KANK1: variants seen among roughly 807,000 people sequenced by gnomAD.
KANK1 encodes the protein KN motif and ankyrin repeat domain-containing protein 1.
In KANK1, 109 loss-of-function variants were observed where a neutral mutation model predicts 106.2. That is an observed-to-expected ratio of 1.03 (90% confidence interval 0.88 to 1.20). The LOEUF is 1.20. Ranked by LOEUF, KANK1 falls within the 50% of genes most tolerant of loss-of-function variation. The pLI, the probability that KANK1 is intolerant of heterozygous loss-of-function variation, is 0.00. For missense variants in KANK1, 2,399 were observed against 1,710.7 expected, an observed-to-expected ratio of 1.40 and a Z score of -7.10; for synonymous variants, 873 against 652.2, an observed-to-expected ratio of 1.34 and a Z score of -5.16.
intron 1 of KANK1, among the ~76,000 whole-genome samples, chr9:572,975 A>G (rs1819596565): frequency 6.6e-6 from 1 of 152,208 alleles, no homozygotes; most frequent in Non-Finnish European, 1.5e-5. Flanking sequence ...AATACAATAA[A>G]GTTGAGGTTT....
chr9:546,281 T>C (rs1427764012), intron 1 of KANK1, among the ~76,000 whole-genome samples: 1 of 152,006 alleles, frequency 6.6e-6, no homozygotes, highest in Admixed American at 6.6e-5. Context: ...CCGAAGAAAT[T>C]TATGATTGTT....
chr9:679,572 G>A (rs1588856062), intron 2 of KANK1, among the ~76,000 whole-genome samples: 1 of 151,990 alleles, frequency 6.6e-6, no homozygotes, highest in Admixed American at 6.5e-5. Flanking sequence ...ATGCCATCAC[G>A]CCTGGCCAAT....
intron 1 of KANK1, among the ~76,000 whole-genome samples, chr9:580,698 G>A (rs543382203): frequency 2.6e-5 from 4 of 152,384 alleles, no homozygotes; most frequent in African/African-American, 7.2e-5. Flanking sequence ...CAGGAGTCCA[G>A]CTGGCTTCAC....
chr9:612,453 A>G (rs986174094), intron 1 of KANK1, among the ~76,000 whole-genome samples: 1 of 151,994 alleles, frequency 6.6e-6, no homozygotes, highest in Non-Finnish European at 1.5e-5. Context: ...GGTATCCCAC[A>G]TTATCGGTGT....
chr9:586,237 G>T (rs1380371275), intron 1 of KANK1, among the ~76,000 whole-genome samples: 1 of 152,224 alleles, frequency 6.6e-6, no homozygotes, highest in African/African-American at 2.4e-5. Context: ...TGACTTCAAA[G>T]CACAGTGAGG....
chr9:536,053 A>G (rs971188019), intron 1 of KANK1, among the ~76,000 whole-genome samples: 5 of 152,132 alleles, frequency 3.3e-5, no homozygotes, highest in African/African-American at 1.2e-4. Flanking sequence ...TTAAAACAGC[A>G]CGTGTGGGGC....
intron 2 of KANK1, chr9:684,462 G>C (rs143508138): frequency 1.0e-6 from 1 of 985,232 alleles, no homozygotes; most frequent in Admixed American, 6.1e-5. Context: ...TTAAGAACTC[G>C]AGCTGTTGCT....
intron 3 of KANK1, among the ~76,000 whole-genome samples, chr9:498,549 C>A (rs2058493309): frequency 6.6e-6 from 1 of 152,188 alleles, no homozygotes. Flanking sequence ...AGACTAGTAT[C>A]ACTTATCAGA....
rs573409501 is a variant in KANK1, at chr9:480,521, C to G, written c.-362+7248C>G. On this transcript the variant is annotated intron_variant, in intron 3 of 15. Coordinates refer to the KANK1 transcript ENST00000382303. ...TATATCTAAAAAGGCTTATATCATC[C>G]TGTGATGGAATACTTAAGAATGGGG... 8.5e-5 allele frequency among the ~76,000 whole-genome samples: 13 copies of G among 152,284 alleles called. No individual in the cohort carries two copies. In the South Asian group the frequency reaches 2.3e-3, roughly 27 times the overall value.
intron 1 of KANK1, among the ~76,000 whole-genome samples, chr9:513,952 G>C (rs2059144661): frequency 6.6e-6 from 1 of 152,132 alleles, no homozygotes; most frequent in South Asian, 2.1e-4. Context: ...AGGAGGTGGA[G>C]GTTGCAGTGA....
chr9:619,397 C>G (rs901558366), intron 1 of KANK1, among the ~76,000 whole-genome samples: 1 of 152,190 alleles, frequency 6.6e-6, no homozygotes, highest in Non-Finnish European at 1.5e-5. Flanking sequence ...AGAGCACCTT[C>G]TTTCTTGGGA....
intron 1 of KANK1, among the ~76,000 whole-genome samples, chr9:555,240 C>T (rs1048512834): frequency 1.6e-4 from 25 of 152,102 alleles, no homozygotes; most frequent in Non-Finnish European, 2.6e-4. Context: ...AGCAGGATGG[C>T]GATCTGAAGT....
Position 644,526 on chromosome 9 carries a change from A to C in KANK1, c.-83-32364A>C, listed in dbSNP as rs372701412. Among the ~76,000 whole-genome samples the C allele has an allele frequency of 2.0e-5, 3 of 150,966 alleles. No homozygotes were observed. The East Asian group carries it at 5.8e-4, about 29-fold the overall frequency. On this transcript the variant is annotated intron_variant, in intron 1 of 11. Transcript: ENST00000382297. ...GGCAAAGGGGAAGCAGGCACGTTTT[A>C]CGTGGCCAGAGCAGGAGGAAGAGAG...
At chr9:583,028 C>G (rs914557668) in intron 1 of KANK1, among the ~76,000 whole-genome samples, 1 of 152,054 alleles carries the variant, frequency 6.6e-6, no homozygotes, top group African/African-American at 2.4e-5. Flanking sequence ...AAAGATATGT[C>G]ATAGAGGAAG....
chr9:473,225 T>C (rs1461974025), exon 3 of KANK1: 1 of 152,194 alleles, frequency 6.6e-6, no homozygotes, highest in Admixed American at 6.5e-5. Context: ...GGACAAGGGA[T>C]TCGTACCACT....
chr9:700,089 G>T (rs540982903), intron 2 of KANK1, among the ~76,000 whole-genome samples: 2 of 152,192 alleles, frequency 1.3e-5, no homozygotes, highest in Non-Finnish European at 2.9e-5. Flanking sequence ...AGCATTTCAG[G>T]CTTCTTAGAA....
chr9:543,436 G>C (rs191741496), intron 1 of KANK1, among the ~76,000 whole-genome samples: 50 of 151,918 alleles, frequency 3.3e-4, no homozygotes, highest in Non-Finnish European at 4.3e-4. Flanking sequence ...ACGGGCGCTT[G>C]TTATCCCAGC....
chr9:697,281 A>T (rs1049234110), intron 2 of KANK1, among the ~76,000 whole-genome samples: 1 of 152,052 alleles, frequency 6.6e-6, no homozygotes, highest in African/African-American at 2.4e-5. Flanking sequence ...TGCAAAAGTG[A>T]TGCTCTGCTC....
chr9:642,258 G>C (rs928021629), intron 1 of KANK1, among the ~76,000 whole-genome samples: 1 of 144,132 alleles, frequency 6.9e-6, no homozygotes, highest in African/African-American at 2.9e-5. Flanking sequence ...GAATAAATGA[G>C]TCTGCAGAAA....
Sources: allele counts gnomAD v4.1 joint callset (sites outside exome capture counted in the v4.1 genomes callset), GRCh38; gene constraint gnomAD v4.1.1; transcripts MANE v1.5; gene names NCBI Gene and HGNC (gene_info 2026-07-23, HGNC 2026-07-21).